Variants in GLIS3 observed in about 807,000 individuals in gnomAD.
The protein encoded by GLIS3 is zinc finger protein GLIS3.
Under a neutral mutation model 78.6 loss-of-function variants are expected in GLIS3, and 53 were observed. The ratio of observed to expected loss-of-function variants is 0.67; its 90% confidence interval spans 0.54 to 0.85. GLIS3 has a LOEUF of 0.85. GLIS3 is among the 40% of genes least tolerant of loss of function. The pLI, the probability that GLIS3 is intolerant of heterozygous loss-of-function variation, is 0.00. For missense variants in GLIS3, 1,703 were observed against 1,231.1 expected (o/e 1.38, Z -5.74); for synonymous variants, 684 against 509.9 (o/e 1.34, Z -4.60).
At chr9:4,073,982 C>T (rs1470017395) in intron 4 of GLIS3, among the ~76,000 whole-genome samples, 1 of 152,178 alleles carries the variant, frequency 6.6e-6, no homozygotes, top group Admixed American at 6.5e-5. Flanking sequence ...ATCATACGAA[C>T]TGAGAGCCAA....
chr9:4,211,968 G>T (rs1365947508), intron 2 of GLIS3, among the ~76,000 whole-genome samples: 1 of 152,194 alleles, frequency 6.6e-6, no homozygotes, highest in Non-Finnish European at 1.5e-5. Flanking sequence ...CCCAGAAAAG[G>T]CAAATCCATA....
intron 4 of GLIS3, among the ~76,000 whole-genome samples, chr9:4,077,311 T>C (rs1487516243): frequency 1.3e-5 from 2 of 152,200 alleles, no homozygotes; most frequent in South Asian, 2.1e-4. Context: ...AGGCTTTCAA[T>C]TGGCACTGAC....
Position 3,898,754 on chromosome 9 carries a change from T to C in GLIS3, c.2065A>G (p.Arg689Gly). The C allele has an allele frequency of 6.2e-7, 1 of 1,614,088 alleles. No homozygotes were observed. The highest frequency in any genetic ancestry group is 8.5e-7 in the Non-Finnish European group (1 of 1,179,970). Reference sequence around the variant, plus strand: ...ACGGTCCCTTCAGCAGCAGCATCTCTAGGGGAAGTGGCCGGCTGCAGGGAC... The same window carrying C: ...ACGGTCCCTTCAGCAGCAGCATCTCCAGGGGAAGTGGCCGGCTGCAGGGAC... ...VQSLQPATSP[R>G]DAAAEGTVGR... The change falls in exon 7 of 11, where the codon AGA becomes GGA. Residue 689 changes from arginine to glycine, a missense_variant. Physicochemically the swap from Arg to Gly is moderately radical, Grantham distance 125 (BLOSUM62 -2). Coordinates refer to ENST00000381971, the MANE Select transcript of GLIS3 (RefSeq NM_001042413.2).
the GLIS3 span, among the ~76,000 whole-genome samples, chr9:4,395,683 A>G: frequency 6.6e-6 from 1 of 151,952 alleles, no homozygotes; most frequent in African/African-American, 2.4e-5. Flanking sequence ...AACTGCTCTA[A>G]CTTGAATTTA....
At chr9:4,024,735 A>ATTC (rs903805351) in intron 4 of GLIS3, among the ~76,000 whole-genome samples, 2 of 152,124 alleles carry the variant, frequency 1.3e-5, no homozygotes, top group Non-Finnish European at 2.9e-5. Context: ...GATTTACTTA[A>ATTC]TTCTTCTTCT....
At chr9:4,352,476 G>A (rs1817985308), upstream of GLIS3, among the ~76,000 whole-genome samples, 2 of 152,244 alleles carry the variant, frequency 1.3e-5, no homozygotes, top group African/African-American at 4.8e-5. Context: ...GCATCTTTTG[G>A]GTAAACCCAA....
intron 7 of GLIS3, among the ~76,000 whole-genome samples, chr9:3,897,564 C>T (rs755733634): frequency 1.2e-4 from 18 of 152,148 alleles, no homozygotes; most frequent in Non-Finnish European, 2.2e-4. Flanking sequence ...TTCTTCGTCT[C>T]ATCTCCCTGT....
At chr9:4,245,260 C>T (rs181414208) in intron 2 of GLIS3, among the ~76,000 whole-genome samples, 2 of 152,276 alleles carry the variant, frequency 1.3e-5, no homozygotes, top group Non-Finnish European at 2.9e-5. Context: ...ATTATTATGT[C>T]TTTCAGAGAA....
intron 4 of GLIS3, among the ~76,000 whole-genome samples, chr9:3,947,360 C>T (rs574850618): frequency 1.4e-4 from 21 of 152,328 alleles, no homozygotes; most frequent in African/African-American, 4.3e-4. Context: ...AAACTGTTTG[C>T]GGGTTGCAAC....
At chr9:3,949,740 A>G (rs542024508) in intron 4 of GLIS3, among the ~76,000 whole-genome samples, 4 of 152,336 alleles carry the variant, frequency 2.6e-5, no homozygotes, top group African/African-American at 9.6e-5. Flanking sequence ...GAAAAATAAT[A>G]AATCAATGGA....
intron 1 of GLIS3, among the ~76,000 whole-genome samples, chr9:4,295,542 T>C (rs1816404819): frequency 6.6e-6 from 1 of 152,186 alleles, no homozygotes; most frequent in African/African-American, 2.4e-5. Context: ...AATTATTCCA[T>C]TTACACAAGA....
intron 4 of GLIS3, among the ~76,000 whole-genome samples, chr9:4,087,891 T>C (rs374916145): frequency 2.0e-5 from 3 of 152,212 alleles, no homozygotes; most frequent in East Asian, 3.8e-4. Context: ...AATTTATCCA[T>C]ACCTTGGTTA....
At chr9:4,041,442 C>A (rs981483260) in intron 4 of GLIS3, among the ~76,000 whole-genome samples, 1 of 152,092 alleles carries the variant, frequency 6.6e-6, no homozygotes, top group African/African-American at 2.4e-5. Context: ...AGTTTTTGCA[C>A]CTTAGACTTG....
At chr9:3,863,730 A>C (rs1820385236) in intron 8 of GLIS3, among the ~76,000 whole-genome samples, 1 of 152,202 alleles carries the variant, frequency 6.6e-6, no homozygotes, top group Non-Finnish European at 1.5e-5. Context: ...AGAAACAGAA[A>C]GGACAGAGTG....
chr9:4,149,770 A>G (rs1834522463), intron 2 of GLIS3, among the ~76,000 whole-genome samples: 1 of 152,044 alleles, frequency 6.6e-6, no homozygotes, highest in Non-Finnish European at 1.5e-5. Context: ...CAGGTGAAAC[A>G]GAGATCAAGA....
intron 2 of GLIS3, among the ~76,000 whole-genome samples, chr9:4,215,048 C>A (rs185405798): frequency 6.6e-6 from 1 of 152,110 alleles, no homozygotes; most frequent in Non-Finnish European, 1.5e-5. Context: ...GATGGCTCTA[C>A]CCTTACAGCA....
At chr9:4,073,322 G>C (rs563504494) in intron 4 of GLIS3, among the ~76,000 whole-genome samples, 2 of 152,258 alleles carry the variant, frequency 1.3e-5, no homozygotes, top group Admixed American at 1.3e-4. Context: ...CAAATCACCT[G>C]GGGATTTGCT....
chr9:4,017,991 C>T (rs1822578253), intron 4 of GLIS3, among the ~76,000 whole-genome samples: 1 of 152,142 alleles, frequency 6.6e-6, no homozygotes, highest in Non-Finnish European at 1.5e-5. Context: ...GTCCCAAGGC[C>T]CAGCCCCTTA....
chr9:4,297,161 G>A (rs1423335178), intron 1 of GLIS3, among the ~76,000 whole-genome samples: 4 of 152,116 alleles, frequency 2.6e-5, no homozygotes, highest in South Asian at 4.1e-4. Context: ...GAGGTCCAGT[G>A]AGGAACAAGA....
Sources: gnomAD v4.1 joint callset for allele counts (sites outside exome capture counted in the v4.1 genomes callset) on GRCh38, gnomAD v4.1.1 for gene constraint, MANE v1.5 for transcripts, NCBI Gene and HGNC (gene_info 2026-07-23, HGNC 2026-07-21) for gene names.